Variants in STC1 observed in about 807,000 individuals in gnomAD.
The protein encoded by STC1 is stanniocalcin-1.
A neutral mutation model predicts 22.6 loss-of-function variants in STC1; 7 were observed. The ratio of observed to expected loss-of-function variants is 0.31; its 90% CI spans 0.18 to 0.58. The LOEUF (loss-of-function observed/expected upper bound fraction) is 0.58, where lower values mean the gene tolerates loss of function less well. Ranked by LOEUF, STC1 falls within the 20% of genes least tolerant of loss-of-function variation. The pLI is 0.89. For synonymous variants in STC1, 113 were observed against 120.7 expected, an observed-to-expected ratio of 0.94 and a Z score of 0.42; for missense variants, 224 against 311.0, an observed-to-expected ratio of 0.72 and a Z score of 2.10.
intron 1 of STC1, among the ~76,000 whole-genome samples, chr8:23,853,096 G>T (rs1563343703): frequency 6.6e-6 from 1 of 151,972 alleles, no homozygotes; most frequent in South Asian, 2.1e-4. Context: ...CCAGGCCAAG[G>T]CCTCCCTATG....
chr8:23,854,338 T>C, intron 1 of STC1, 68 bp downstream of exon 1: 3 of 1,376,034 alleles, frequency 2.2e-6, no homozygotes, highest in Non-Finnish European at 2.1e-6. Flanking sequence ...ACAGACACAG[T>C]TGCAAAAGGG....
At chr8:23,848,335 C>A (rs1164726281) in intron 3 of STC1, among the ~76,000 whole-genome samples, 1 of 151,796 alleles carries the variant, frequency 6.6e-6, no homozygotes, top group Non-Finnish European at 1.5e-5. Context: ...AGTTCAAGAC[C>A]AGCCCGGCCA....
At chr8:23,846,604 G>C (rs568481574) in intron 3 of STC1, among the ~76,000 whole-genome samples, 2 of 152,290 alleles carry the variant, frequency 1.3e-5, no homozygotes, top group South Asian at 4.2e-4. Context: ...AAATAGCATG[G>C]AACGTGGGTA....
rs1802538847 is a variant in STC1, at chr8:23,843,517, C to T, written c.*1253G>A. The T allele has an allele frequency of 6.6e-6, 1 of 152,580 alleles. No individual in the cohort carries two copies. Among genetic ancestry groups the T allele is most frequent in the Non-Finnish European group, 1.5e-5 (1 of 68,038 alleles). The allele number at this position is 152,580 out of a possible 1,614,324, so 9.5% of individuals were successfully genotyped here. A position where few individuals can be genotyped will look rare whatever the true frequency, so the allele number is the denominator to read the frequency against. Reference sequence around the variant, plus strand: ...ATTCCTGATTGATTTAATGGAAAGTCTCCCACCCCATCATCATTTGCCAGA... The same window carrying T: ...ATTCCTGATTGATTTAATGGAAAGTTTCCCACCCCATCATCATTTGCCAGA... On this transcript the variant is annotated 3_prime_UTR_variant, in exon 4 of 4. Coordinates refer to ENST00000290271, the MANE Select transcript of STC1 (RefSeq NM_003155.3).
chr8:23,851,621 C>A, intron 2 of STC1, 90 bp from the exon 3 acceptor site: 1 of 1,143,208 alleles, frequency 8.7e-7, no homozygotes, highest in Non-Finnish European at 1.3e-6. Context: ...GGGGGCTCAT[C>A]TGGGCAACGT....
rs1456177003 is a variant in STC1 at position 23,854,543 on chromosome 8, A to C, written c.-20T>G. ...GAGCATTCTCTGAGAAGTTTCCGCT[A>C]AGTTGTTGGGTTTTTTTTTTTTCCT... On this transcript the variant is annotated 5_prime_UTR_variant, in exon 1 of 4. Coordinates refer to ENST00000290271, the MANE Select transcript of STC1 (RefSeq NM_003155.3). The C allele has an allele frequency of 3.1e-6, 5 of 1,600,624 alleles. No homozygotes were observed. The highest frequency in any genetic ancestry group is 4.3e-6 in the Non-Finnish European group (5 of 1,172,066).
intron 1 of STC1, among the ~76,000 whole-genome samples, chr8:23,853,630 A>C (rs1390907456): frequency 6.6e-6 from 1 of 152,236 alleles, no homozygotes; most frequent in Non-Finnish European, 1.5e-5. Context: ...CAGAGAAGTC[A>C]AGAGGCAGAG....
intron 3 of STC1, among the ~76,000 whole-genome samples, chr8:23,849,894 C>T (rs1802616634): frequency 6.6e-6 from 1 of 152,110 alleles, no homozygotes; most frequent in South Asian, 2.1e-4. Context: ...CCCTCCCCAC[C>T]CTCTGCACCT....
chr8:23,843,976 C>A lies in STC1; in HGVS notation c.*794G>T, dbSNP rs1343321864. ...TATGCAATAAAGTTATTATATACTGCTTTGTTTAAGCAGAGTCCTCTGGAA... is the reference window on the plus strand; with the variant it reads ...TATGCAATAAAGTTATTATATACTGATTTGTTTAAGCAGAGTCCTCTGGAA... On this transcript the variant is annotated 3_prime_UTR_variant, in exon 4 of 4. Transcript: ENST00000290271. 6.6e-6 allele frequency: 1 copy of A among 152,616 alleles called. No homozygotes were observed. The highest frequency in any genetic ancestry group is 1.5e-5 in the Non-Finnish European group (1 of 68,042). 9.5% of individuals were successfully genotyped at this position (152,616 alleles called of 1,614,324 possible).
chr8:23,849,184 C>T (rs547859056), intron 3 of STC1, among the ~76,000 whole-genome samples: 2 of 152,316 alleles, frequency 1.3e-5, no homozygotes, highest in Middle Eastern at 6.8e-3. Flanking sequence ...ACTACTTCCT[C>T]TTGCAATTCT....
chr8:23,845,937 G>A (rs538338671), intron 3 of STC1, among the ~76,000 whole-genome samples: 15 of 152,136 alleles, frequency 9.9e-5, no homozygotes, highest in African/African-American at 1.7e-4. Context: ...GCTTTCTTTC[G>A]CTGACTAGAC....
rs1802679732 is a variant in STC1 at position 23,854,711 on chromosome 8, T to TGCTGCTGCTGCCGCC, written c.-203_-189dup. On this transcript the variant is annotated 5_prime_UTR_variant, in exon 1 of 4. Coordinates refer to ENST00000290271, the MANE Select transcript of STC1 (RefSeq NM_003155.3). Reference sequence around the variant, plus strand: ...CTGCTGCCACCGGTGCCTCCGCTGCTGCTGCTGCTGCCGCCGCTGCTGCTG... The same window carrying TGCTGCTGCTGCCGCC: ...CTGCTGCCACCGGTGCCTCCGCTGCTGCTGCTGCTGCCGCCGCTGCTGCTGCCGCCGCTGCTGCTG... The TGCTGCTGCTGCCGCC allele has an allele frequency of 4.4e-6, 3 of 682,034 alleles. No homozygotes were observed. Among genetic ancestry groups the TGCTGCTGCTGCCGCC allele is most frequent in the East Asian group, 5.5e-5 (2 of 36,340 alleles). 42.2% of individuals were successfully genotyped at this position (682,034 alleles called of 1,614,324 possible).
chr8:23,842,464 C>T lies in STC1; in HGVS notation c.*2306G>A, dbSNP rs1433593104. 8.3e-5 allele frequency: 9 copies of T among 107,864 alleles called. No homozygotes were observed. Among genetic ancestry groups the T allele is most frequent in the East Asian group, 5.9e-4 (2 of 3,392 alleles). 6.7% of individuals were successfully genotyped at this position (107,864 alleles called of 1,614,324 possible). The stretch of plus-strand genomic sequence containing the variant: ...CGTGGGGAGAAAAGGGGGGGTACCA[C>T]GGTTTGAAGAGGTCACAGCCAAAAA... On this transcript the variant is annotated 3_prime_UTR_variant, in exon 4 of 4. Coordinates refer to ENST00000290271, the MANE Select transcript of STC1 (RefSeq NM_003155.3).
At chr8:23,853,727 G>A (rs1356898072) in intron 1 of STC1, among the ~76,000 whole-genome samples, 1 of 152,172 alleles carries the variant, frequency 6.6e-6, no homozygotes, top group Non-Finnish European at 1.5e-5. Flanking sequence ...AGACGAAAGT[G>A]AGACCTTACC....
In STC1 at chr8:23,854,623, C is replaced by T. The variant is rs1024135828; in HGVS notation, c.-100G>A. 4.7e-5 allele frequency: 48 copies of T among 1,021,422 alleles called. No individual in the cohort carries two copies. Among genetic ancestry groups the T allele is most frequent in the Non-Finnish European group, 7.1e-5 (46 of 645,428 alleles). The allele number at this position is 1,021,422 out of a possible 1,614,324, so 63.3% of individuals were successfully genotyped here. On this transcript the variant is annotated 5_prime_UTR_variant, in exon 1 of 4. Coordinates refer to ENST00000290271, the MANE Select transcript of STC1 (RefSeq NM_003155.3). Reference sequence around the variant, plus strand: ...TTGAGTGAAGATGTGGATCTGGATACACTGAAAGCTTAGGTGAGGATTTGA... The same window carrying T: ...TTGAGTGAAGATGTGGATCTGGATATACTGAAAGCTTAGGTGAGGATTTGA...
In STC1 at chr8:23,854,435, C is replaced by T; in HGVS notation, c.89G>A (p.Arg30Lys). 6.2e-7 allele frequency: 1 copy of T among 1,614,176 alleles called. No homozygotes were observed. The highest frequency in any genetic ancestry group is 8.5e-7 in the Non-Finnish European group (1 of 1,180,040). The change falls in exon 1 of 4, where the codon AGG becomes AAG. Residue 30 changes from arginine to lysine, a missense_variant. Transcript: ENST00000290271. The stretch of plus-strand genomic sequence containing the variant: ...GTTTTGAGCCGCCACTCGGGATTTC[C>T]TGGGGCTCACAGAGTCATTCTGCTC... ...EAEQNDSVSP[R>K]KSRVAAQNSA...
At chr8:23,852,914 G>A (rs1248143568) in intron 1 of STC1, among the ~76,000 whole-genome samples, 1 of 152,112 alleles carries the variant, frequency 6.6e-6, no homozygotes, top group African/African-American at 2.4e-5. Flanking sequence ...CTGATTTCAG[G>A]CTTTTAACTT....
rs1802526056 is a variant in STC1, at chr8:23,842,508, AAAG to A, written c.*2259_*2261del. On this transcript the variant is annotated 3_prime_UTR_variant, in exon 4 of 4. Transcript: ENST00000290271. ...CCAAAAAAAAAAAAAAAAAAAAAGA[AAAG>A]AAAAAAGGAAATCTACTGAACTGAA... The A allele has an allele frequency of 6.6e-6, 1 of 151,288 alleles. No individual in the cohort carries two copies. The highest frequency in any genetic ancestry group is 1.5e-5 in the Non-Finnish European group (1 of 67,888). The allele number at this position is 151,288 out of a possible 1,614,324, so 9.4% of individuals were successfully genotyped here.
At chr8:23,848,529 CAAAAAAAAAAAAAA>C (rs796433655) in intron 3 of STC1, among the ~76,000 whole-genome samples, 1,253 of 63,648 alleles carry the variant, frequency 0.02, 30 homozygotes, top group African/African-American at 0.066. Flanking sequence ...GATACTCTGT[CAAAAAAAAAAAAAA>C]AAAAAAAAAA....
Sources: gnomAD v4.1 joint callset for allele counts (sites outside exome capture counted in the v4.1 genomes callset) on GRCh38, gnomAD v4.1.1 for gene constraint, MANE v1.5 for transcripts, NCBI Gene and HGNC (gene_info 2026-07-23, HGNC 2026-07-21) for gene names.